ABCC2: variants seen among roughly 807,000 people sequenced by gnomAD.
The protein encoded by ABCC2 is ATP binding cassette subfamily C member 2.
ABCC2 carries 157 observed loss-of-function variants against 173.4 expected under a neutral mutation model. The observed-to-expected ratio is 0.91, with a 90% CI of 0.80 to 1.03. ABCC2 has a LOEUF of 1.03. Among genes scored for constraint, ABCC2 ranks in the 50% least tolerant of loss-of-function variants. The probability of loss-of-function intolerance (pLI) is 0.00; values close to 1 mark genes in which losing one functional copy is unlikely to be tolerated. For synonymous variants in ABCC2, 657 were observed against 693.5 expected, an observed-to-expected ratio of 0.95 and a Z score of 0.83; for missense variants, 1,822 against 1,852.3, an observed-to-expected ratio of 0.98 and a Z score of 0.30.
intron 6 of ABCC2, 101 bp downstream of exon 6, chr10:99,794,569 A>T (rs2037864680): frequency 1.7e-6 from 2 of 1,196,582 alleles, no homozygotes; most frequent in Admixed American, 4.0e-5. Flanking sequence ...TTTGAGATGG[A>T]GTTTTGCTCT....
chr10:99,804,134 G>T lies in ABCC2; in HGVS notation c.1325G>T (p.Trp442Leu). 6.2e-7 allele frequency: 1 copy of T among 1,614,136 alleles called. No individual in the cohort carries two copies. The highest frequency in any genetic ancestry group is 8.5e-7 in the Non-Finnish European group (1 of 1,180,024). ...GTGACCAACTTCATGCACATGCTGT[G>T]GTCAAGTGTTCTACAGATTGTCTTA... ...MDVTNFMHMLWSSVLQIVLSI... is the reference protein window; with the variant it reads ...MDVTNFMHMLLSSVLQIVLSI... Residue 442 changes from tryptophan (W) to leucine (L), a missense_variant, in exon 10 of 32, where the codon TGG (tryptophan) becomes TTG (leucine). Trp to Leu is a moderately conservative substitution (Grantham distance 61). Transcript: ENST00000647814.
At chr10:99,840,675 C>CTAT (rs1321638135) in intron 25 of ABCC2, among the ~76,000 whole-genome samples, 1 of 151,604 alleles carries the variant, frequency 6.6e-6, no homozygotes, top group Non-Finnish European at 1.5e-5. Flanking sequence ...CCACGCCCAG[C>CTAT]TATTTTTGTT....
chr10:99,810,211 C>A lies in ABCC2; in HGVS notation c.1893C>A (p.Cys631Ter), dbSNP rs1257076487. 3.1e-6 allele frequency: 5 copies of A among 1,613,066 alleles called. No homozygotes were observed. Among genetic ancestry groups the A allele is most frequent in the African/African-American group, 1.3e-5 (1 of 74,864 alleles). Residue 631 changes from cysteine (C) to a stop codon, truncating the protein, a stop_gained, in exon 14 of 32, where the codon TGC becomes TGA. Coordinates refer to ENST00000647814, the MANE Select transcript of ABCC2 (RefSeq NM_000392.5). LOFTEE classifies it high-confidence loss of function. The stretch of plus-strand genomic sequence containing the variant: ...ACACATCTGCCATTCGACATGACTG[C>A]AATTTTGGTAAATAAATTTGGAAGT... ...DLDTSAIRHD[C>*]NFDKAMQFSE...
intron 2 of ABCC2, among the ~76,000 whole-genome samples, chr10:99,787,271 T>C (rs2037729752): frequency 6.6e-6 from 1 of 152,196 alleles, no homozygotes; most frequent in African/African-American, 2.4e-5. Context: ...CTCCTTCCCC[T>C]TATCCTTAGC....
chr10:99,842,128 T>C, intron 26 of ABCC2, 35 bp downstream of exon 26: 1 of 1,613,744 alleles, frequency 6.2e-7, no homozygotes. Flanking sequence ...GTTTCGTTAG[T>C]GTGCTTATTC....
At chr10:99,835,267 C>G (rs1316897905) in intron 24 of ABCC2, among the ~76,000 whole-genome samples, 1 of 152,166 alleles carries the variant, frequency 6.6e-6, no homozygotes, top group Non-Finnish European at 1.5e-5. Context: ...CGGCTCGCCC[C>G]CATGTCCGTG....
chr10:99,787,517 C>CAGTGTGTTAA (rs2037737153), intron 2 of ABCC2, among the ~76,000 whole-genome samples: 1 of 152,126 alleles, frequency 6.6e-6, no homozygotes, highest in East Asian at 1.9e-4. Context: ...TTCCTGCCAA[C>CAGTGTGTTAA]AGTGTGTTAA....
chr10:99,821,570 T>C (rs2038538566), intron 19 of ABCC2, among the ~76,000 whole-genome samples: 1 of 152,190 alleles, frequency 6.6e-6, no homozygotes, highest in South Asian at 2.1e-4. Context: ...TTAACGAGCA[T>C]GCTGCCTTCA....
At chr10:99,839,300 A>T (rs1590188671) in intron 25 of ABCC2, among the ~76,000 whole-genome samples, 1 of 87,034 alleles carries the variant, frequency 1.1e-5, no homozygotes, top group East Asian at 4.3e-4. Context: ...CTCACTTCCC[A>T]GTAGGGGCGG....
intron 25 of ABCC2, among the ~76,000 whole-genome samples, chr10:99,840,608 CG>C (rs1452962463): frequency 6.6e-6 from 1 of 150,704 alleles, no homozygotes; most frequent in Non-Finnish European, 1.5e-5. Context: ...CAGGTTGAAG[CG>C]ATTTTCCTGC....
intron 4 of ABCC2, 94 bp from the exon 5 acceptor site, chr10:99,793,798 C>A: frequency 6.4e-7 from 1 of 1,571,854 alleles, no homozygotes; most frequent in South Asian, 1.1e-5. Context: ...GGGATTTGAT[C>A]ATAGGCTTTA....
At chr10:99,797,437 C>G in intron 7 of ABCC2, 106 bp downstream of exon 7, 1 of 931,322 alleles carries the variant, frequency 1.1e-6, no homozygotes, top group Admixed American at 2.0e-5. Context: ...CTTCATACTT[C>G]TCAGTGCACT....
At position 99,830,401 on chromosome 10, in the gene ABCC2, A is replaced by G. The variant is rs766697550; in HGVS notation, c.2715A>G (p.Arg905=). ...ATGCAGCCTCCATAACCATGAGAAG[A>G]GAGAACAGCTTTCGTCGAACACTTA... ...PEDAASITMR[R]ENSFRRTLSR... is the part of the protein sequence containing the mutation. Residue 905 remains arginine, a synonymous_variant, in exon 20 of 32, where the codon AGA becomes AGG. Transcript: ENST00000647814. The G allele has an allele frequency of 1.2e-6, 2 of 1,614,228 alleles. No individual in the cohort carries two copies. The highest frequency in any genetic ancestry group is 2.2e-5 in the South Asian group (2 of 91,088).
At chr10:99,834,637 C>T in intron 24 of ABCC2, 102 bp downstream of exon 24, 1 of 1,377,298 alleles carries the variant, frequency 7.3e-7, no homozygotes, top group Non-Finnish European at 1.0e-6. Flanking sequence ...TAGTCACTCA[C>T]TCCTCCCCTC....
intron 28 of ABCC2, among the ~76,000 whole-genome samples, chr10:99,844,996 A>G (rs2038997413): frequency 6.6e-6 from 1 of 152,080 alleles, no homozygotes; most frequent in Non-Finnish European, 1.5e-5. Flanking sequence ...CTTCACTTCT[A>G]AACAAGCATT....
In ABCC2 at chr10:99,808,137, G is replaced by T. The variant is rs1369397291; in HGVS notation, c.1723G>T (p.Asp575Tyr). Residue 575 changes from aspartate to tyrosine, a missense_variant, in exon 13 of 32, where the codon GAT becomes TAT. Physicochemically the swap from Asp to Tyr is radical, Grantham distance 160 (BLOSUM62 -3). Coordinates refer to ENST00000647814, the MANE Select transcript of ABCC2 (RefSeq NM_000392.5). Reference protein sequence around the residue: ...YVLVDSNNILDAQKAFTSITL... With the variant: ...YVLVDSNNILYAQKAFTSITL... ...CCTGGTGGATAGCAACAATATTTTG[G>T]ATGCACAAAAGGCCTTCACCTCCAT... 2 of 1,613,884 alleles carry T rather than the reference G, an allele frequency of 1.2e-6. No individual in the cohort carries two copies. The highest frequency in any genetic ancestry group is 2.7e-5 in the African/African-American group (2 of 74,862).
chr10:99,839,419 A>AC (rs1219529495), intron 25 of ABCC2, among the ~76,000 whole-genome samples: 1 of 18,522 alleles, frequency 5.4e-5, no homozygotes. Context: ...CGGGGGGCTG[A>AC]CCCCCCCACC....
At chr10:99,789,357 A>G (rs2037773096) in intron 2 of ABCC2, 1 of 152,126 alleles carries the variant, frequency 6.6e-6, no homozygotes, top group South Asian at 2.1e-4. Flanking sequence ...AGTCCCTAGA[A>G]TTGGATGCTT....
chr10:99,819,332 C>CGA, intron 19 of ABCC2, 63 bp downstream of exon 19: 1 of 1,483,030 alleles, frequency 6.7e-7, no homozygotes, highest in Middle Eastern at 1.8e-4. Context: ...AAATCAATAT[C>CGA]TAATTCCTGA....
Sources: gnomAD v4.1 joint callset for allele counts (sites outside exome capture counted in the v4.1 genomes callset) on GRCh38, gnomAD v4.1.1 for gene constraint, MANE v1.5 for transcripts, NCBI Gene and HGNC (gene_info 2026-07-23, HGNC 2026-07-21) for gene names.